CSN1S1: variants seen among roughly 807,000 people sequenced by gnomAD.
The protein encoded by CSN1S1 is casein alpha s1.
In CSN1S1, 63 loss-of-function variants were observed where a neutral mutation model predicts 49.1. The ratio of observed to expected loss-of-function variants is 1.28; its 90% confidence interval spans 1.05 to 1.58. The LOEUF (loss-of-function observed/expected upper bound fraction) is 1.58, where lower values mean the gene tolerates loss of function less well. Ranked by LOEUF, CSN1S1 falls within the 40% of genes most tolerant of loss-of-function variation. The pLI is 0.00. For synonymous variants in CSN1S1, 78 were observed against 67.1 expected (o/e 1.16, Z -0.79); for missense variants, 260 against 224.7 (o/e 1.16, Z -1.01).
chr4:69,933,993 A>C (rs1371086337), intron 2 of CSN1S1, among the ~76,000 whole-genome samples: 1 of 151,986 alleles, frequency 6.6e-6, no homozygotes, highest in Non-Finnish European at 1.5e-5. Context: ...AAGAAAGGAA[A>C]TGATTATTTT....
Position 69,934,213 on chromosome 4 carries a change from A to C in CSN1S1, c.53A>C (p.Lys18Thr), listed in dbSNP as rs749255571. ...CLVAVALARPKLPLRYPERLQ... is the reference protein window; with the variant it reads ...CLVAVALARPTLPLRYPERLQ... The stretch of plus-strand genomic sequence containing the variant: ...CAATTCTTGCATTGTTTTTCACAGA[A>C]ACTTCCTCTTAGATACCCAGAACGC... The change falls in exon 3 of 16, where the codon AAA becomes ACA. Residue 18 changes from lysine (K) to threonine (T), a missense_variant and splice_region_variant. Transcript: ENST00000246891. 2.1e-5 allele frequency: 34 copies of C among 1,609,398 alleles called. No homozygotes were observed. Among genetic ancestry groups the C allele is most frequent in the Non-Finnish European group, 2.5e-6 (3 of 1,177,148 alleles).
At chr4:69,939,477 C>T (rs1205265830) in intron 10 of CSN1S1, among the ~76,000 whole-genome samples, 3 of 151,640 alleles carry the variant, frequency 2.0e-5, no homozygotes, top group Non-Finnish European at 3.0e-5. Flanking sequence ...TTACTTTGTC[C>T]TTCGCAGATT....
chr4:69,934,151 T>C (rs1387515069), intron 2 of CSN1S1, 61 bp from the exon 3 acceptor site: 3 of 1,302,560 alleles, frequency 2.3e-6, no homozygotes, highest in African/African-American at 2.9e-5. Context: ...TGTGTATTAT[T>C]ATATTGTTAT....
Position 69,937,152 on chromosome 4 carries a change from C to T in CSN1S1, c.219+8C>T. On this transcript the variant is annotated splice_region_variant and intron_variant, in intron 8 of 15. Coordinates refer to ENST00000246891, the MANE Select transcript of CSN1S1 (RefSeq NM_001890.2). ...AGGAATGAGTCTACTCAGGTGAGAC[C>T]CTTTGTTTTAAAATTATTAAACCAA... 6.6e-7 allele frequency: 1 copy of T among 1,526,542 alleles called. No individual in the cohort carries two copies. Among genetic ancestry groups the T allele is most frequent in the Non-Finnish European group, 8.8e-7 (1 of 1,134,318 alleles). The allele number at this position is 1,526,542 out of a possible 1,614,324, so 94.6% of individuals were successfully genotyped here.
At chr4:69,933,777 A>T (rs1291590323) in intron 2 of CSN1S1, among the ~76,000 whole-genome samples, 2 of 152,070 alleles carry the variant, frequency 1.3e-5, no homozygotes, top group African/African-American at 4.8e-5. Flanking sequence ...TGATAAAAAT[A>T]AAACCCAGAA....
rs573564823 is a variant in CSN1S1 at position 69,939,333 on chromosome 4, T to C, written c.276+125T>C. On this transcript the variant is annotated intron_variant, in intron 10 of 15. Transcript: ENST00000246891. ...AGGCAGTGTATATGTGGCACTATTC[T>C]AGTTTTAGTATGTGAGTAGCTATCC... 15 of 509,488 alleles carry C rather than the reference T, an allele frequency of 2.9e-5. No individual in the cohort carries two copies. In the South Asian group the frequency reaches 6.0e-4, roughly 20 times the overall value. 31.6% of individuals were successfully genotyped at this position (509,488 alleles called of 1,614,324 possible).
At chr4:69,934,550 T>C in intron 3 of CSN1S1, 140 bp from the exon 4 acceptor site, 1 of 736,000 alleles carries the variant, frequency 1.4e-6, no homozygotes, top group East Asian at 2.7e-5. Flanking sequence ...TATTCAAGCA[T>C]GTGATTTACA....
chr4:69,936,390 A>C (rs960224403), intron 5 of CSN1S1, 66 bp from the exon 6 acceptor site: 1 of 1,223,068 alleles, frequency 8.2e-7, no homozygotes, highest in Non-Finnish European at 1.2e-6. Flanking sequence ...ACAGTTTCTC[A>C]TAGATTTCCA....
chr4:69,936,438 T>C lies in CSN1S1; in HGVS notation c.130-18T>C, dbSNP rs1308353600. The C allele has an allele frequency of 6.6e-7, 1 of 1,521,044 alleles. No homozygotes were observed. The highest frequency in any genetic ancestry group is 9.1e-7 in the Non-Finnish European group (1 of 1,099,804). The allele number at this position is 1,521,044 out of a possible 1,614,324, so 94.2% of individuals were successfully genotyped here. A position where few individuals can be genotyped will look rare whatever the true frequency, so the allele number is the denominator to read the frequency against. On this transcript the variant is annotated intron_variant, in intron 5 of 15. Transcript: ENST00000246891. Reference sequence around the variant, plus strand: ...TTGTTTCACTAATATTGTTTATGTTTTCTTTTTTATCCCTAAGGAATACAT... The same window carrying C: ...TTGTTTCACTAATATTGTTTATGTTCTCTTTTTTATCCCTAAGGAATACAT...
chr4:69,933,656 T>C (rs947063758), intron 2 of CSN1S1, among the ~76,000 whole-genome samples: 3 of 152,156 alleles, frequency 2.0e-5, no homozygotes, highest in Middle Eastern at 3.4e-3. Context: ...GTTACACTTT[T>C]ATTCCAAAGC....
rs10030475 is a variant in CSN1S1 at position 69,942,053 on chromosome 4, C to T, written c.350C>T (p.Ala117Val). The T allele has an allele frequency of 0.38, 542,249 of 1,413,354 alleles. 108,603 individuals carry two copies. The highest frequency in any genetic ancestry group is 0.44 in the South Asian group (29,898 of 68,160). The allele number at this position is 1,413,354 out of a possible 1,614,324, so 87.6% of individuals were successfully genotyped here. Residue 117 changes from alanine to valine, a missense_variant, in exon 13 of 16, where the codon GCC (alanine) becomes GTC (valine). Coordinates refer to ENST00000246891, the MANE Select transcript of CSN1S1 (RefSeq NM_001890.2). ...ATGTTTTCTCCTCCCTAGCAAGCTG[C>T]CCATGCCCAGGTGAGATTATTTATT... ...NEYNQLQLQA[A>V]HAQEQIRRMN...
intron 4 of CSN1S1, 29 bp downstream of exon 4, chr4:69,934,739 T>A (rs949229549): frequency 6.3e-7 from 1 of 1,598,860 alleles, no homozygotes; most frequent in African/African-American, 1.3e-5. Flanking sequence ...GAGTCAGGAT[T>A]CTCTCTTCCT....
chr4:69,932,632 G>A (rs1165700811), intron 2 of CSN1S1, 26 bp downstream of exon 2: 39 of 1,570,390 alleles, frequency 2.5e-5, no homozygotes, highest in Non-Finnish European at 3.4e-5. Context: ...AATTTAGAAA[G>A]TCTTAGACTC....
Position 69,940,022 on chromosome 4 carries a change from A to T in CSN1S1, c.278A>T (p.Glu93Val), listed in dbSNP as rs527237171. The T allele has an allele frequency of 2.2e-6, 3 of 1,394,812 alleles. No homozygotes were observed. The highest frequency in any genetic ancestry group is 2.9e-5 in the African/African-American group (2 of 67,882). 86.4% of individuals were successfully genotyped at this position (1,394,812 alleles called of 1,614,324 possible). Residue 93 changes from glutamate to valine, a missense_variant and splice_region_variant, in exon 11 of 16, where the codon GAA (glutamate) becomes GTA (valine). Coordinates refer to ENST00000246891, the MANE Select transcript of CSN1S1 (RefSeq NM_001890.2). ...ATGCATGTTTTAATTTTTTTAAAGG[A>T]AATGTCTCTCAGTAAGTGTGCGGTA... ...MESSISSSSE[E>V]MSLSKCAEQF... is the part of the protein sequence containing the mutation.
In CSN1S1 at chr4:69,943,802, G is replaced by C. The variant is rs1276079027; in HGVS notation, c.403-1048G>C. 1.1e-4 allele frequency among the ~76,000 whole-genome samples: 16 copies of C among 152,090 alleles called. 1 individual carries two copies. The South Asian group carries it at 3.1e-3, about 30-fold the overall frequency. ...AATACACAAGAGAGGGTCAAACTCAGTCAAAACAAACTCACCCTTGCAACA... is the reference window on the plus strand; with the variant it reads ...AATACACAAGAGAGGGTCAAACTCACTCAAAACAAACTCACCCTTGCAACA... On this transcript the variant is annotated intron_variant, in intron 14 of 15. Coordinates refer to ENST00000246891, the MANE Select transcript of CSN1S1 (RefSeq NM_001890.2).
chr4:69,936,394 A>T, intron 5 of CSN1S1, 62 bp from the exon 6 acceptor site: 1 of 1,254,572 alleles, frequency 8.0e-7, no homozygotes. Flanking sequence ...TTTCTCATAG[A>T]TTTCCACTCA....
At chr4:69,937,538 G>A (rs1722824701) in intron 8 of CSN1S1, among the ~76,000 whole-genome samples, 1 of 151,462 alleles carries the variant, frequency 6.6e-6, no homozygotes, top group South Asian at 2.1e-4. Context: ...AAAGCAAAAA[G>A]TCATGCTGGA....
intron 13 of CSN1S1, 123 bp from the exon 14 acceptor site, chr4:69,942,413 C>G: frequency 1.2e-6 from 1 of 818,520 alleles, no homozygotes; most frequent in Non-Finnish European, 1.9e-6. Context: ...CTAACTGTGG[C>G]ATAGAATACA....
rs2109731984 is a variant in CSN1S1, at chr4:69,945,014, T to C, written c.557+10T>C. The C allele has an allele frequency of 6.2e-7, 1 of 1,611,274 alleles. No homozygotes were observed. Among genetic ancestry groups the C allele is most frequent in the East Asian group, 2.2e-5 (1 of 44,822 alleles). ...TCATGCTACAGTGGTGGTAAGTTCA[T>C]TTAAATTACTACATCTTGATGTTCT... is the stretch of plus-strand genomic sequence containing the variant. On this transcript the variant is annotated intron_variant, in intron 15 of 15. Transcript: ENST00000246891.
Sources: gnomAD v4.1 joint callset for allele counts (sites outside exome capture counted in the v4.1 genomes callset) on GRCh38, gnomAD v4.1.1 for gene constraint, MANE v1.5 for transcripts, NCBI Gene and HGNC (gene_info 2026-07-23, HGNC 2026-07-21) for gene names.